UBE4A: variants seen among roughly 807,000 people sequenced by gnomAD.
UBE4A encodes ubiquitin conjugation factor E4 A.
UBE4A carries 48 observed loss-of-function variants against 117.9 expected under a neutral mutation model. The ratio of observed to expected loss-of-function variants is 0.41; its 90% CI spans 0.32 to 0.52. UBE4A has a LOEUF of 0.52. UBE4A is among the 20% of genes least tolerant of loss of function. The pLI is 0.33. For synonymous variants in UBE4A, 407 were observed against 450.0 expected, an observed-to-expected ratio of 0.90 and a Z score of 1.21; for missense variants, 1,067 against 1,296.3, an observed-to-expected ratio of 0.82 and a Z score of 2.72.
chr11:118,396,126 C>T (rs1346279045), intron 19 of UBE4A, among the ~76,000 whole-genome samples, 188 bp from the exon 20 acceptor site: 1 of 151,408 alleles, frequency 6.6e-6, no homozygotes, highest in Non-Finnish European at 1.5e-5. Context: ...AAGAAATAGA[C>T]AAAGTAGCTA....
In UBE4A at chr11:118,389,695, A is replaced by C. The variant is rs192906210; in HGVS notation, c.2588-30A>C. ...TAAGGAAAAGAGTGCTAATGGATTG[A>C]GTTTTCAGAGACTTTGGATTCTTTT... On this transcript the variant is annotated intron_variant, in intron 16 of 19. Coordinates refer to ENST00000252108, the MANE Select transcript of UBE4A (RefSeq NM_001204077.2). 2.7e-4 allele frequency: 413 copies of C among 1,555,252 alleles called. 5 individuals are homozygous for C. The East Asian group carries it at 7.7e-3, about 29-fold the overall frequency.
At position 118,381,478 on chromosome 11, in the gene UBE4A, A is replaced by G. The variant is rs782786070; in HGVS notation, c.1964A>G (p.Glu655Gly). 1.9e-6 allele frequency: 3 copies of G among 1,614,144 alleles called. No homozygotes were observed. The highest frequency in any genetic ancestry group is 1.7e-6 in the Non-Finnish European group (2 of 1,180,010). The change falls in exon 12 of 20, where the codon GAG becomes GGG. Residue 655 changes from glutamate (E) to glycine (G), a missense_variant. Around this residue, in one of 3 missense-constraint regions of UBE4A, gnomAD observed 1,001 missense variants for 1,184.0 expected, o/e 0.85. Transcript: ENST00000252108. The part of the protein sequence containing the change: ...DILETSADSL[E>G]HVLHFITIFT... ...TTGGAGACATCAGCAGATTCCCTGGAGCATGTCCTTCACTTTATCACCATT... is the reference window on the plus strand; with the variant it reads ...TTGGAGACATCAGCAGATTCCCTGGGGCATGTCCTTCACTTTATCACCATT...
chr11:118,387,040 A>G (rs1948765950), intron 16 of UBE4A, among the ~76,000 whole-genome samples: 1 of 152,214 alleles, frequency 6.6e-6, no homozygotes, highest in African/African-American at 2.4e-5. Flanking sequence ...GTGGCTTTCA[A>G]GGATTTAAAA....
chr11:118,363,182 T>C (rs1469174685), intron 1 of UBE4A, among the ~76,000 whole-genome samples: 1 of 152,130 alleles, frequency 6.6e-6, no homozygotes, highest in Non-Finnish European at 1.5e-5. Context: ...TTAATTTCAA[T>C]ACTAAATATG....
In UBE4A at chr11:118,385,254, A is replaced by G. The variant is rs530259731; in HGVS notation, c.2412+309A>G. ...GGCAGGAGTAATTCATCAGGCCAGC[A>G]CTACAGAAAGAAATCAGAGGAGCTT... On this transcript the variant is annotated intron_variant, in intron 15 of 19. Coordinates refer to ENST00000252108, the MANE Select transcript of UBE4A (RefSeq NM_001204077.2). Among the ~76,000 whole-genome samples, 4 of 152,316 alleles carry G rather than the reference A, an allele frequency of 2.6e-5. No homozygotes were observed. The South Asian group carries it at 8.3e-4, about 32-fold the overall frequency.
rs367876401 is a variant in UBE4A at position 118,386,585 on chromosome 11, A to G, written c.2560A>G (p.Ile854Val). The change falls in exon 16 of 20, where the codon ATC (isoleucine) becomes GTC (valine). Residue 854 changes from isoleucine to valine, a missense_variant. This residue lies in a region of UBE4A where 1,001 missense variants were observed against 1,184.0 expected (regional missense o/e 0.85). Coordinates refer to ENST00000252108, the MANE Select transcript of UBE4A (RefSeq NM_001204077.2). ...RFHNIMSNET[I>V]GTLAFLTSEI... ...CCATAACATCATGTCCAATGAAACA[A>G]TCGGTACCCTTGCCTTTCTCACATC... 7 of 1,583,904 alleles carry G rather than the reference A, an allele frequency of 4.4e-6. No individual in the cohort carries two copies. The highest frequency in any genetic ancestry group is 1.2e-5 in the South Asian group (1 of 86,432).
intron 10 of UBE4A, among the ~76,000 whole-genome samples, chr11:118,377,634 G>A (rs1044767467): frequency 3.3e-5 from 5 of 149,806 alleles, no homozygotes; most frequent in Admixed American, 6.7e-5. Flanking sequence ...ATTACTGGCC[G>A]GGTGTGGTGG....
At position 118,371,503 on chromosome 11, in the gene UBE4A, T is replaced by A. The variant is rs1344152853; in HGVS notation, c.409-11T>A. ...CAATAGTTTAGTATTTTTGTTTGGT[T>A]TTCTTTATAGGCCCTCTTCGCTCGC... On this transcript the variant is annotated splice_polypyrimidine_tract_variant and intron_variant, in intron 4 of 19. Coordinates refer to ENST00000252108, the MANE Select transcript of UBE4A (RefSeq NM_001204077.2). The A allele has an allele frequency of 7.5e-6, 12 of 1,596,206 alleles. No homozygotes were observed. The highest frequency in any genetic ancestry group is 1.0e-5 in the Non-Finnish European group (12 of 1,170,336).
At position 118,375,048 on chromosome 11, in the gene UBE4A, A is replaced by G; in HGVS notation, c.1269A>G (p.Glu423=). ...RTKIWANQMP[E]IFFQMYASDA... ...AGATTTGGGCCAATCAGATGCCAGA[A>G]ATCTTTTTCCAAATGTATGCCTCAG... Residue 423 remains glutamate (E), a synonymous_variant, in exon 9 of 20, where the codon GAA becomes GAG. Transcript: ENST00000252108. 6 of 1,614,168 alleles carry G rather than the reference A, an allele frequency of 3.7e-6. No individual in the cohort carries two copies. Among genetic ancestry groups the G allele is most frequent in the Non-Finnish European group, 5.1e-6 (6 of 1,180,020 alleles).
intron 2 of UBE4A, 77 bp downstream of exon 2, chr11:118,365,278 T>C (rs1565528724): frequency 6.9e-7 from 1 of 1,442,496 alleles, no homozygotes. Flanking sequence ...CTTTGAGTCC[T>C]TAATTGCAAT....
At chr11:118,377,561 A>G (rs185402781) in intron 10 of UBE4A, among the ~76,000 whole-genome samples, 8 of 152,028 alleles carry the variant, frequency 5.3e-5, no homozygotes, top group African/African-American at 1.9e-4. Context: ...CTGTCTTCCT[A>G]TTGTGATCTG....
At chr11:118,365,566 G>A (rs1362488318) in intron 2 of UBE4A, among the ~76,000 whole-genome samples, 1 of 152,172 alleles carries the variant, frequency 6.6e-6, no homozygotes, top group Non-Finnish European at 1.5e-5. Context: ...ACACAGAGGT[G>A]GTAAGTGTAG....
chr11:118,363,798 A>G (rs1012002693), intron 1 of UBE4A, among the ~76,000 whole-genome samples: 10 of 151,848 alleles, frequency 6.6e-5, no homozygotes, highest in African/African-American at 2.4e-4. Flanking sequence ...TTCGTGTTTT[A>G]GTAGAGATGG....
At chr11:118,379,405 T>A (rs533049678) in intron 10 of UBE4A, 41 bp from the exon 11 acceptor site, 1 of 1,575,228 alleles carries the variant, frequency 6.3e-7, no homozygotes, top group East Asian at 2.3e-5. Flanking sequence ...TGTGACTTTC[T>A]GTTTTCCCTG....
intron 2 of UBE4A, 52 bp downstream of exon 2, chr11:118,365,253 C>G: frequency 3.4e-6 from 5 of 1,461,470 alleles, no homozygotes; most frequent in Non-Finnish European, 4.5e-6. Context: ...ATGGGGTCTT[C>G]CCAAATTAAG....
rs1948895435 is a variant in UBE4A, at chr11:118,398,446, T to G, written c.*2006T>G. ...AACTCTGCACAAGCAAGTGTGTAGCTTAAGGCCACTACTGGTAAGGAAACC... is the reference window on the plus strand; with the variant it reads ...AACTCTGCACAAGCAAGTGTGTAGCGTAAGGCCACTACTGGTAAGGAAACC... On this transcript the variant is annotated 3_prime_UTR_variant, in exon 20 of 20. Transcript: ENST00000252108. The G allele has an allele frequency of 1.3e-5, 2 of 152,682 alleles. No homozygotes were observed. Among genetic ancestry groups the G allele is most frequent in the Admixed American group, 6.5e-5 (1 of 15,286 alleles). 9.5% of individuals were successfully genotyped at this position (152,682 alleles called of 1,614,324 possible).
intron 10 of UBE4A, among the ~76,000 whole-genome samples, chr11:118,378,002 C>T (rs782787549): frequency 2.0e-5 from 3 of 151,776 alleles, no homozygotes; most frequent in Non-Finnish European, 2.9e-5. Flanking sequence ...AATCCCAGCA[C>T]TTTGGGAGGC....
At chr11:118,385,707 C>T (rs1424798631) in intron 15 of UBE4A, among the ~76,000 whole-genome samples, 1 of 152,170 alleles carries the variant, frequency 6.6e-6, no homozygotes, top group Non-Finnish European at 1.5e-5. Flanking sequence ...TGAGGGTAGC[C>T]TTTAGACAGT....
At chr11:118,372,367 T>C in intron 5 of UBE4A, 140 bp from the exon 6 acceptor site, 1 of 868,526 alleles carries the variant, frequency 1.2e-6, no homozygotes, top group Non-Finnish European at 1.6e-6. Flanking sequence ...GATGATTCCT[T>C]AAGCCAAGGA....
Sources: gnomAD v4.1 joint callset for allele counts (sites outside exome capture counted in the v4.1 genomes callset) on GRCh38, gnomAD v4.1.1 for gene constraint, gnomAD v4.1.1 regional missense constraint, MANE v1.5 for transcripts, NCBI Gene and HGNC (gene_info 2026-07-23, HGNC 2026-07-21) for gene names.